Variants in NRG3 observed in about 807,000 individuals in gnomAD.
NRG3 encodes pro-neuregulin-3, membrane-bound isoform.
In NRG3, 31 loss-of-function variants were observed where a neutral mutation model predicts 66.9. The ratio of observed to expected loss-of-function variants is 0.46; its 90% CI spans 0.35 to 0.63. The LOEUF (loss-of-function observed/expected upper bound fraction) is 0.63, where lower values mean the gene tolerates loss of function less well. NRG3 is among the 20% of genes least tolerant of loss of function. The pLI is 0.00. For missense variants in NRG3, 910 were observed against 878.9 expected, an observed-to-expected ratio of 1.04 and a Z score of -0.45; for synonymous variants, 393 against 359.4, an observed-to-expected ratio of 1.09 and a Z score of -1.06.
intron 4 of NRG3, among the ~76,000 whole-genome samples, chr10:82,883,702 C>A (rs918919153): frequency 3.3e-5 from 5 of 151,272 alleles, no homozygotes; most frequent in African/African-American, 1.2e-4. Context: ...TTATTTTCAA[C>A]TCTTTCTTTT....
chr10:82,042,542 T>A (rs2063093118), intron 1 of NRG3, among the ~76,000 whole-genome samples: 1 of 152,076 alleles, frequency 6.6e-6, no homozygotes, highest in Admixed American at 6.6e-5. Flanking sequence ...CACTATTTGC[T>A]ACTCTGATTC....
chr10:82,907,387 C>T (rs997128247), intron 4 of NRG3, among the ~76,000 whole-genome samples: 1 of 152,154 alleles, frequency 6.6e-6, no homozygotes, highest in African/African-American at 2.4e-5. Flanking sequence ...TTTTACCCCA[C>T]TTTTAACAGT....
intron 1 of NRG3, among the ~76,000 whole-genome samples, chr10:82,057,941 T>G (rs1046638211): frequency 2.6e-5 from 4 of 151,174 alleles, no homozygotes; most frequent in Non-Finnish European, 5.9e-5. Flanking sequence ...TAGTGCTTGC[T>G]TACTCATGTG....
At chr10:82,917,100 T>C (rs995835648) in intron 4 of NRG3, among the ~76,000 whole-genome samples, 2 of 152,216 alleles carry the variant, frequency 1.3e-5, no homozygotes, top group African/African-American at 4.8e-5. Flanking sequence ...ATCATACTGC[T>C]GAATTAATTG....
At chr10:82,459,972 T>C (rs1289693225) in intron 2 of NRG3, among the ~76,000 whole-genome samples, 1 of 152,244 alleles carries the variant, frequency 6.6e-6, no homozygotes, top group Non-Finnish European at 1.5e-5. Context: ...AATTGAGTAA[T>C]GGCAAGGTCA....
At chr10:82,851,312 C>T (rs941407547) in intron 3 of NRG3, among the ~76,000 whole-genome samples, 2 of 152,018 alleles carry the variant, frequency 1.3e-5, no homozygotes, top group Non-Finnish European at 2.9e-5. Flanking sequence ...TTGGAGGACA[C>T]GGAGCTTGGG....
chr10:81,910,198 T>A (rs1330498595), intron 1 of NRG3, among the ~76,000 whole-genome samples: 1 of 152,218 alleles, frequency 6.6e-6, no homozygotes, highest in African/African-American at 2.4e-5. Context: ...TCACATAATC[T>A]ATTTCTTGCT....
intron 1 of NRG3, among the ~76,000 whole-genome samples, chr10:82,240,186 C>A (rs1401617359): frequency 6.6e-6 from 1 of 151,598 alleles, no homozygotes; most frequent in Non-Finnish European, 1.5e-5. Flanking sequence ...TTCCCCCCAG[C>A]AATTAATATA....
At chr10:82,548,529 A>T (rs1367329301) in intron 2 of NRG3, among the ~76,000 whole-genome samples, 24 of 109,364 alleles carry the variant, frequency 2.2e-4, no homozygotes, top group African/African-American at 6.5e-4. Flanking sequence ...TCTCTCACAC[A>T]CACACACACA....
At chr10:82,268,180 A>T (rs1202214950) in intron 1 of NRG3, among the ~76,000 whole-genome samples, 7 of 152,100 alleles carry the variant, frequency 4.6e-5, no homozygotes, top group African/African-American at 2.4e-5. Context: ...CCCTCATTGA[A>T]TCTCTGTAGT....
chr10:82,738,558 A>G lies in NRG3; in HGVS notation c.954-19A>G. On this transcript the variant is annotated intron_variant, in intron 2 of 8. Coordinates refer to ENST00000372141, the MANE Select transcript of NRG3 (RefSeq NM_001010848.4). ...TCACAACCACATGCGTATGTTTGTC[A>G]TTTATCCCCTTTTCTCAGGTGCAAA... 6.2e-7 allele frequency: 1 copy of G among 1,609,794 alleles called. No homozygotes were observed. The highest frequency in any genetic ancestry group is 8.5e-7 in the Non-Finnish European group (1 of 1,176,120).
chr10:82,233,022 G>A lies in NRG3; in HGVS notation c.824-125717G>A, dbSNP rs1008379199. 19 of 540,550 alleles carry A rather than the reference G, an allele frequency of 3.5e-5. No individual in the cohort carries two copies. The East Asian group carries it at 3.9e-4, about 11-fold the overall frequency. 33.5% of individuals were successfully genotyped at this position (540,550 alleles called of 1,614,324 possible). A position where few individuals can be genotyped will look rare whatever the true frequency, so the allele number is the denominator to read the frequency against. ...TATGTGGGCAAGGTAGAGGAAATGTGGCTCTGGGTTGGTTAGTTTGCGTGC... is the reference window on the plus strand; with the variant it reads ...TATGTGGGCAAGGTAGAGGAAATGTAGCTCTGGGTTGGTTAGTTTGCGTGC... On this transcript the variant is annotated intron_variant, in intron 1 of 8. Coordinates refer to ENST00000372141, the MANE Select transcript of NRG3 (RefSeq NM_001010848.4).
intron 2 of NRG3, among the ~76,000 whole-genome samples, chr10:82,568,819 C>G (rs1430658473): frequency 6.6e-6 from 1 of 151,844 alleles, no homozygotes; most frequent in East Asian, 1.9e-4. Context: ...AACTACATTC[C>G]TGTTTATATG....
chr10:82,938,289 T>C (rs888591361), intron 4 of NRG3, among the ~76,000 whole-genome samples: 1 of 152,232 alleles, frequency 6.6e-6, no homozygotes, highest in African/African-American at 2.4e-5. Flanking sequence ...CAGATCTAGC[T>C]TCCTAGTGCT....
chr10:82,506,287 A>G (rs1844667821), intron 2 of NRG3, among the ~76,000 whole-genome samples: 1 of 152,204 alleles, frequency 6.6e-6, no homozygotes, highest in African/African-American at 2.4e-5. Flanking sequence ...TTTGCGAGGA[A>G]TGTTGCAAGC....
intron 4 of NRG3, among the ~76,000 whole-genome samples, chr10:82,889,819 A>G (rs1044077152): frequency 6.6e-6 from 1 of 152,182 alleles, no homozygotes; most frequent in African/African-American, 2.4e-5. Context: ...TGATGGCTCT[A>G]CAGTTGCCCT....
At chr10:82,616,339 CT>C (rs2133559795) in intron 2 of NRG3, among the ~76,000 whole-genome samples, 1 of 152,272 alleles carries the variant, frequency 6.6e-6, no homozygotes, top group African/African-American at 2.4e-5. Flanking sequence ...AAAGAAGTGG[CT>C]TTCCACATTA....
At chr10:82,503,418 C>G (rs760019414) in intron 2 of NRG3, among the ~76,000 whole-genome samples, 1 of 152,086 alleles carries the variant, frequency 6.6e-6, no homozygotes, top group Non-Finnish European at 1.5e-5. Context: ...CCACTGATTT[C>G]AAGAAGATGT....
chr10:82,705,349 T>C (rs2056208182), intron 2 of NRG3, among the ~76,000 whole-genome samples: 1 of 152,194 alleles, frequency 6.6e-6, no homozygotes, highest in Admixed American at 6.5e-5. Flanking sequence ...TCCTTAAACA[T>C]TTCTTTGAAT....
Sources: allele counts gnomAD v4.1 joint callset (sites outside exome capture counted in the v4.1 genomes callset), GRCh38; gene constraint gnomAD v4.1.1; transcripts MANE v1.5; gene names NCBI Gene and HGNC (gene_info 2026-07-23, HGNC 2026-07-21).